The following MED13L variants were observed in gnomAD, a reference collection of about 807,000 sequenced individuals.
MED13L encodes the protein mediator of RNA polymerase II transcription subunit 13-like.
Under a neutral mutation model 220.9 loss-of-function variants are expected in MED13L, and 7 were observed. The ratio of observed to expected loss-of-function variants is 0.03; its 90% confidence interval spans 0.02 to 0.06. MED13L has a LOEUF of 0.06. Ranked by LOEUF, MED13L falls within the 10% of genes least tolerant of loss-of-function variation. MED13L has a pLI of 1.00. For synonymous variants in MED13L, 1,011 were observed against 1,015.2 expected (o/e 1.00, Z 0.08); for missense variants, 1,965 against 2,760.5 (o/e 0.71, Z 6.46).
intron 20 of MED13L, 87 bp downstream of exon 20, chr12:115,984,093 A>G (rs939436056): frequency 2.8e-5 from 38 of 1,379,304 alleles, no homozygotes; most frequent in Non-Finnish European, 8.0e-6. Context: ...CAAAAGAAAT[A>G]TAATGTTGCA....
rs141141675 is a variant in MED13L at position 115,975,807 on chromosome 12, A to G, written c.5365-69T>C. ...CTTAATGATTACAACAAAATCCAGA[A>G]CGACACTGAGGGGACCCACAGGGAG... On this transcript the variant is annotated intron_variant, in intron 23 of 30. Coordinates refer to ENST00000281928, the MANE Select transcript of MED13L (RefSeq NM_015335.5). The G allele has an allele frequency of 3.1e-3, 4,615 of 1,467,436 alleles. 221 individuals carry two copies. In the Admixed American group the frequency reaches 0.077, roughly 25 times the overall value. 90.9% of individuals were successfully genotyped at this position (1,467,436 alleles called of 1,614,324 possible).
At chr12:116,118,102 C>T (rs879652134) in intron 2 of MED13L, among the ~76,000 whole-genome samples, 3 of 152,094 alleles carry the variant, frequency 2.0e-5, no homozygotes, top group Non-Finnish European at 2.9e-5. Context: ...AGCCACTGCA[C>T]GCAGTCAAAA....
chr12:116,237,567 C>T lies in MED13L; in HGVS notation c.211G>A (p.Val71Ile), dbSNP rs755079872. The change falls in exon 2 of 31, where the codon GTA becomes ATA. Residue 71 changes from valine (V) to isoleucine (I), a missense_variant. Coordinates refer to ENST00000281928, the MANE Select transcript of MED13L (RefSeq NM_015335.5). Reference protein sequence around the residue: ...IRCLQANLLCVWRRDVKPDCK... With the variant: ...IRCLQANLLCIWRRDVKPDCK... ...TCTGGTTTGACATCACGACGCCATA[C>T]ACAAAGCAGGTTAGCTTGCAGACAG... is the stretch of plus-strand genomic sequence containing the variant. 19 of 1,614,092 alleles carry T rather than the reference C, an allele frequency of 1.2e-5. No homozygotes were observed. Among genetic ancestry groups the T allele is most frequent in the Non-Finnish European group, 1.6e-5 (19 of 1,180,050 alleles).
At chr12:115,966,276 C>T (rs1458710883) in intron 28 of MED13L, 33 bp from the exon 29 acceptor site, 1 of 1,613,036 alleles carries the variant, frequency 6.2e-7, no homozygotes, top group Non-Finnish European at 8.5e-7. Flanking sequence ...ACATGATCAG[C>T]ATTTATCTTA....
chr12:115,984,849 A>C (rs754008885), intron 19 of MED13L, among the ~76,000 whole-genome samples: 1 of 151,980 alleles, frequency 6.6e-6, no homozygotes, highest in African/African-American at 2.4e-5. Context: ...CCACTGAAGC[A>C]GTGAGTATGC....
At chr12:116,197,850 T>G (rs542826597) in intron 2 of MED13L, among the ~76,000 whole-genome samples, 2 of 152,278 alleles carry the variant, frequency 1.3e-5, no homozygotes, top group South Asian at 4.1e-4. Flanking sequence ...CAACTCTTTA[T>G]GATTTTTTAA....
intron 16 of MED13L, among the ~76,000 whole-genome samples, chr12:115,992,793 C>A (rs867335790): frequency 6.6e-6 from 1 of 152,120 alleles, no homozygotes; most frequent in Admixed American, 6.5e-5. Flanking sequence ...ATTTTAGTTG[C>A]CCAAGACTGA....
At chr12:116,013,577 G>A (rs1338615056) in intron 8 of MED13L, among the ~76,000 whole-genome samples, 5 of 152,018 alleles carry the variant, frequency 3.3e-5, no homozygotes, top group African/African-American at 9.7e-5. Context: ...AAACACTTCC[G>A]GTCCCACGAA....
At chr12:116,068,815 A>T (rs566153030) in intron 4 of MED13L, among the ~76,000 whole-genome samples, 3 of 138,464 alleles carry the variant, frequency 2.2e-5, no homozygotes, top group African/African-American at 8.3e-5. Context: ...GTTGTGTACA[A>T]CCATACACTA....
chr12:116,081,676 G>A (rs375632779), intron 4 of MED13L, among the ~76,000 whole-genome samples: 11 of 152,250 alleles, frequency 7.2e-5, no homozygotes, highest in South Asian at 2.1e-4. Flanking sequence ...AGACCAGCCC[G>A]GGAAACATAA....
chr12:116,063,868 ACAGATG>A (rs1299658937), intron 4 of MED13L, among the ~76,000 whole-genome samples: 1 of 152,082 alleles, frequency 6.6e-6, no homozygotes, highest in African/African-American at 2.4e-5. Context: ...ACCAAAATCC[ACAGATG>A]CTTAAGTGCC....
At chr12:116,011,043 A>C (rs1283142379) in intron 9 of MED13L, among the ~76,000 whole-genome samples, 2 of 151,766 alleles carry the variant, frequency 1.3e-5, no homozygotes, top group Non-Finnish European at 2.9e-5. Context: ...TGGCTGGCTA[A>C]TTTGTGTTTT....
chr12:116,223,189 T>C (rs576422243), intron 2 of MED13L, among the ~76,000 whole-genome samples: 1 of 152,344 alleles, frequency 6.6e-6, no homozygotes, highest in East Asian at 1.9e-4. Flanking sequence ...TATAAGTTAA[T>C]GTATTTATAA....
chr12:116,053,347 A>G (rs1289266987), intron 4 of MED13L, among the ~76,000 whole-genome samples: 3 of 152,218 alleles, frequency 2.0e-5, no homozygotes, highest in Admixed American at 2.0e-4. Context: ...ACCAGAAGAA[A>G]AGCTTAGGTC....
At chr12:116,265,120 C>A (rs1425175795) in intron 1 of MED13L, among the ~76,000 whole-genome samples, 1 of 152,300 alleles carries the variant, frequency 6.6e-6, no homozygotes, top group Non-Finnish European at 1.5e-5. Context: ...CCAAGCTGCC[C>A]AAATAGCAAA....
intron 2 of MED13L, among the ~76,000 whole-genome samples, chr12:116,132,007 G>A (rs530912795): frequency 7.7e-4 from 117 of 152,066 alleles, no homozygotes; most frequent in Admixed American, 1.3e-3. Context: ...CGCCAGGTGC[G>A]GTGGCTCATG....
intron 1 of MED13L, among the ~76,000 whole-genome samples, chr12:116,271,867 C>A (rs1022181023): frequency 3.3e-5 from 5 of 152,022 alleles, no homozygotes; most frequent in Non-Finnish European, 5.9e-5. Context: ...AACTGGTTAG[C>A]TCCTGTGAAA....
chr12:115,985,655 A>G (rs559944460), intron 19 of MED13L, among the ~76,000 whole-genome samples: 1 of 152,086 alleles, frequency 6.6e-6, no homozygotes, highest in East Asian at 1.9e-4. Context: ...ACATGATTCT[A>G]TTTTTTTTAA....
intron 6 of MED13L, 150 bp downstream of exon 6, chr12:116,019,628 G>C: frequency 3.6e-6 from 4 of 1,110,678 alleles, no homozygotes; most frequent in Non-Finnish European, 5.3e-6. Context: ...CTTCAGGCAA[G>C]ATAACTACTC....
Sources: allele counts gnomAD v4.1 joint callset (sites outside exome capture counted in the v4.1 genomes callset), GRCh38; gene constraint gnomAD v4.1.1; transcripts MANE v1.5; gene names NCBI Gene and HGNC (gene_info 2026-07-23, HGNC 2026-07-21).